Variants in KYNU observed in about 807,000 individuals in gnomAD.
The protein encoded by KYNU is L-kynurenine hydrolase.
KYNU carries 54 observed loss-of-function variants against 59.2 expected under a neutral mutation model. The observed-to-expected ratio is 0.91, with a 90% CI of 0.73 to 1.14. KYNU has a LOEUF of 1.14. Ranked by LOEUF, KYNU falls within the 50% of genes most tolerant of loss-of-function variation. KYNU has a pLI of 0.00. For synonymous variants in KYNU, 177 were observed against 192.0 expected (o/e 0.92, Z 0.65); for missense variants, 567 against 554.4 (o/e 1.02, Z -0.23).
chr2:143,015,130 A>G (rs1023715752), intron 10 of KYNU, among the ~76,000 whole-genome samples: 4 of 152,138 alleles, frequency 2.6e-5, no homozygotes, highest in Non-Finnish European at 4.4e-5. Flanking sequence ...CCTTCAAGCA[A>G]TCCTCCTGTC....
At chr2:142,901,825 C>T (rs1361594461) in intron 2 of KYNU, among the ~76,000 whole-genome samples, 1 of 151,964 alleles carries the variant, frequency 6.6e-6, no homozygotes, top group East Asian at 1.9e-4. Context: ...TTTTGAAGTC[C>T]TTTTTTTACA....
rs1289535204 is a variant in KYNU at position 143,048,708 on chromosome 2, T to C, written c.*6536T>C. 1 of 152,214 alleles carries C rather than the reference T, an allele frequency of 6.6e-6. No individual in the cohort carries two copies. Among genetic ancestry groups the C allele is most frequent in the Non-Finnish European group, 1.5e-5 (1 of 68,028 alleles). 9.4% of individuals were successfully genotyped at this position (152,214 alleles called of 1,614,324 possible). Reference sequence around the variant, plus strand: ...TCGACAGTAATTTTCTTTCAGGAAGTAGAAAATATTAAGTTACAGTATTTT... The same window carrying C: ...TCGACAGTAATTTTCTTTCAGGAAGCAGAAAATATTAAGTTACAGTATTTT... On this transcript the variant is annotated 3_prime_UTR_variant, in exon 14 of 14. Transcript: ENST00000264170.
At chr2:142,989,073 G>A (rs572254756) in intron 10 of KYNU, among the ~76,000 whole-genome samples, 2 of 151,846 alleles carry the variant, frequency 1.3e-5, no homozygotes, top group South Asian at 2.1e-4. Context: ...ACAATATCAC[G>A]CTGCTCAAAT....
chr2:143,036,450 G>A (rs963212916), intron 12 of KYNU, among the ~76,000 whole-genome samples: 1 of 152,176 alleles, frequency 6.6e-6, no homozygotes, highest in Non-Finnish European at 1.5e-5. Context: ...GAAGGAGGAA[G>A]TAACTTGTGG....
rs572241321 is a variant in KYNU at position 142,983,935 on chromosome 2, A to T, written c.730-1149A>T. 2.7e-3 allele frequency among the ~76,000 whole-genome samples: 405 copies of T among 152,130 alleles called. 4 individuals carry two copies. Among genetic ancestry groups the T allele is most frequent in the Non-Finnish European group, 3.3e-3 (223 of 67,966 alleles). On this transcript the variant is annotated intron_variant, in intron 8 of 13. Coordinates refer to ENST00000264170, the MANE Select transcript of KYNU (RefSeq NM_003937.3). ...CTCTTTTTTTCTCTTTTTGAATCTT[A>T]CAAAGAAAATAGGCACTCATGAAGA...
chr2:142,950,763 C>T (rs1683964322), intron 4 of KYNU, among the ~76,000 whole-genome samples: 1 of 152,228 alleles, frequency 6.6e-6, no homozygotes, highest in South Asian at 2.1e-4. Flanking sequence ...ATATTTACAA[C>T]TTGGCTGTTT....
At chr2:142,973,568 G>T (rs1393638473) in intron 8 of KYNU, among the ~76,000 whole-genome samples, 1 of 152,086 alleles carries the variant, frequency 6.6e-6, no homozygotes, top group Non-Finnish European at 1.5e-5. Context: ...GACCTTTGGG[G>T]TGTTTGCAGC....
At chr2:142,931,628 A>G (rs886424246) in intron 4 of KYNU, among the ~76,000 whole-genome samples, 1 of 152,220 alleles carries the variant, frequency 6.6e-6, no homozygotes, top group Non-Finnish European at 1.5e-5. Context: ...TAAAGGGACT[A>G]TAAAAAGAGG....
At chr2:142,891,040 T>C (rs1359992663) in intron 2 of KYNU, among the ~76,000 whole-genome samples, 1 of 152,206 alleles carries the variant, frequency 6.6e-6, no homozygotes, top group African/African-American at 2.4e-5. Context: ...AGTGAAAATG[T>C]CCAGTTAATA....
At chr2:142,991,560 G>T (rs896117293) in intron 10 of KYNU, among the ~76,000 whole-genome samples, 5 of 151,662 alleles carry the variant, frequency 3.3e-5, no homozygotes, top group African/African-American at 1.2e-4. Context: ...ACAACTTCTT[G>T]GCTTCTCAGC....
chr2:142,960,031 C>T (rs765256076), intron 7 of KYNU, among the ~76,000 whole-genome samples: 1 of 152,144 alleles, frequency 6.6e-6, no homozygotes, highest in Non-Finnish European at 1.5e-5. Context: ...GGATTACGGG[C>T]ATGCACCACC....
At chr2:142,960,797 C>T (rs1285072284) in intron 8 of KYNU, 27 bp downstream of exon 8, 1 of 1,610,724 alleles carries the variant, frequency 6.2e-7, no homozygotes, top group Non-Finnish European at 8.5e-7. Context: ...CTTCTTCCCA[C>T]CTTACTCCAA....
intron 2 of KYNU, among the ~76,000 whole-genome samples, chr2:142,899,111 G>A (rs1375128277): frequency 6.6e-6 from 1 of 152,126 alleles, no homozygotes; most frequent in African/African-American, 2.4e-5. Context: ...AGCGGTGGTG[G>A]ACAGTGAGCA....
Position 143,042,162 on chromosome 2 carries a change from C to T in KYNU, c.1388C>T (p.Thr463Ile). 6.2e-7 allele frequency: 1 copy of T among 1,608,914 alleles called. No individual in the cohort carries two copies. The highest frequency in any genetic ancestry group is 8.5e-7 in the Non-Finnish European group (1 of 1,178,052). ...ACTTCTATACTTGACTCTGCAGAAA[C>T]AAAAAATTAGCAGTGTTTTCTAGAA... ...LLTSILDSAE[T>I]KN Residue 463 changes from threonine to isoleucine, a missense_variant, in exon 14 of 14, where the codon ACA becomes ATA. Physicochemically the swap from Thr to Ile is moderately conservative, Grantham distance 89. Transcript: ENST00000264170.
rs191002741 is a variant in KYNU, at chr2:142,910,442, A to T, written c.170-8167A>T. On this transcript the variant is annotated intron_variant, in intron 2 of 13. Coordinates refer to ENST00000264170, the MANE Select transcript of KYNU (RefSeq NM_003937.3). ...GGGTTATTTGTTTCTCGCTTGTCGAATTGCTTAAATTCCTTATAGAGTCTG... is the reference window on the plus strand; with the variant it reads ...GGGTTATTTGTTTCTCGCTTGTCGATTTGCTTAAATTCCTTATAGAGTCTG... Among the ~76,000 whole-genome samples, 140 of 152,118 alleles carry T rather than the reference A, an allele frequency of 9.2e-4. 1 individual carries two copies. The highest frequency in any genetic ancestry group is 3.2e-3 in the African/African-American group (133 of 41,490).
chr2:142,897,869 A>C (rs1250366406), intron 2 of KYNU, among the ~76,000 whole-genome samples: 8 of 152,196 alleles, frequency 5.3e-5, no homozygotes, highest in Admixed American at 4.6e-4. Flanking sequence ...AATATGTTAA[A>C]TGTAAATTCT....
intron 2 of KYNU, among the ~76,000 whole-genome samples, chr2:142,887,972 T>C (rs1286229074): frequency 1.3e-5 from 2 of 152,192 alleles, no homozygotes; most frequent in African/African-American, 4.8e-5. Flanking sequence ...AAAGCAGCAT[T>C]GTACATATAA....
Position 142,965,241 on chromosome 2 carries a change from A to T in KYNU, c.729+4471A>T, listed in dbSNP as rs532966739. Reference sequence around the variant, plus strand: ...ATCCACAAGATGTCTCTACTGTATCATCATGTCACCATCTTTCTGGACCAG... The same window carrying T: ...ATCCACAAGATGTCTCTACTGTATCTTCATGTCACCATCTTTCTGGACCAG... On this transcript the variant is annotated intron_variant, in intron 8 of 13. Transcript: ENST00000264170. Among the ~76,000 whole-genome samples the T allele has an allele frequency of 5.5e-4, 84 of 152,322 alleles. 2 individuals carry two copies. The South Asian group carries it at 0.017, about 32-fold the overall frequency.
intron 10 of KYNU, among the ~76,000 whole-genome samples, chr2:143,021,426 T>C (rs1043558355): frequency 6.6e-6 from 1 of 152,204 alleles, no homozygotes; most frequent in Non-Finnish European, 1.5e-5. Context: ...TTTTCTCACA[T>C]TGCTATAAAG....
Sources: gnomAD v4.1 joint callset for allele counts (sites outside exome capture counted in the v4.1 genomes callset) on GRCh38, gnomAD v4.1.1 for gene constraint, MANE v1.5 for transcripts, NCBI Gene and HGNC (gene_info 2026-07-23, HGNC 2026-07-21) for gene names.